Variants in PCDHGA2 observed in about 807,000 individuals in gnomAD.
PCDHGA2 encodes protocadherin gamma subfamily A, 2.
In PCDHGA2, 40 loss-of-function variants were observed where a neutral mutation model predicts 59.2. The ratio of observed to expected loss-of-function variants is 0.68; its 90% CI spans 0.52 to 0.88. The LOEUF is 0.88. Among genes scored for constraint, PCDHGA2 ranks in the 40% least tolerant of loss-of-function variants. The pLI is 0.00. For synonymous variants in PCDHGA2, 560 were observed against 526.0 expected, an observed-to-expected ratio of 1.06 and a Z score of -0.89; for missense variants, 1,226 against 1,204.0, an observed-to-expected ratio of 1.02 and a Z score of -0.27.
chr5:141,376,152 C>T, intron 1 of PCDHGA2: 2 of 1,614,026 alleles, frequency 1.2e-6, no homozygotes, highest in Non-Finnish European at 1.7e-6. Context: ...TCGGACCTCA[C>T]TCTGTACCTG....
At chr5:141,408,885 T>G in intron 1 of PCDHGA2, 1 of 1,613,020 alleles carries the variant, frequency 6.2e-7, no homozygotes, top group Middle Eastern at 1.6e-4. Context: ...ACCGCTCACA[T>G]AGAAATTTCT....
At position 141,485,293 on chromosome 5, in the gene PCDHGA2, G is replaced by A. The variant is rs1356836741; in HGVS notation, c.2425-9514G>A. On this transcript the variant is annotated intron_variant, in intron 1 of 3. Transcript: ENST00000394576. The surrounding 1 kb of genome is among the most constrained non-coding windows in gnomAD (Gnocchi z 5.7). ...GCTACCCGGTCCCAGAGGAGTCACA[G>A]GAAGGGACTTTTGTAGGGAATGTCG... 1 of 1,614,170 alleles carries A rather than the reference G, an allele frequency of 6.2e-7. No individual in the cohort carries two copies.
Position 141,340,906 on chromosome 5 carries a change from C to G in PCDHGA2, c.1935C>G (p.Ala645=). The change falls in exon 1 of 4, where the codon GCC becomes GCG. Residue 645 remains alanine, a synonymous_variant. Transcript: ENST00000394576. ...CGCTCAAGCAGAGCCTCGTGGTGGC[C>G]ATCCAGGACCACGGCCAGCCCCCTC... The part of the protein sequence containing the change: ...RDALKQSLVV[A]IQDHGQPPLS... The G allele has an allele frequency of 2.5e-6, 4 of 1,613,782 alleles. No homozygotes were observed. The highest frequency in any genetic ancestry group is 3.4e-6 in the Non-Finnish European group (4 of 1,179,930).
intron 1 of PCDHGA2, chr5:141,343,976 G>T: frequency 7.2e-7 from 1 of 1,391,600 alleles, no homozygotes; most frequent in Non-Finnish European, 9.7e-7. Context: ...AAATAAGATT[G>T]GAGTCCGTCG....
chr5:141,409,258 C>G (rs2095247947), intron 1 of PCDHGA2: 2 of 1,613,918 alleles, frequency 1.2e-6, no homozygotes, highest in Non-Finnish European at 8.5e-7. Flanking sequence ...TCACTTCTCT[C>G]TCTGATCAGA....
intron 1 of PCDHGA2, among the ~76,000 whole-genome samples, chr5:141,357,988 G>A (rs182499898): frequency 1.8e-4 from 27 of 152,224 alleles, no homozygotes; most frequent in African/African-American, 5.5e-4. Context: ...TCAGGAGTTC[G>A]AGACCAGTCT....
rs951964805 is a variant in PCDHGA2, at chr5:141,512,109, C to A, written c.*936C>A. The A allele has an allele frequency of 1.0e-4, 16 of 152,656 alleles. No individual in the cohort carries two copies. The highest frequency in any genetic ancestry group is 1.5e-5 in the Non-Finnish European group (1 of 68,058). 9.5% of individuals were successfully genotyped at this position (152,656 alleles called of 1,614,324 possible). Reference sequence around the variant, plus strand: ...ACCAATAACTAGGCTGGACCCTTCCCACTACATAATAGGGCTCAGCCCAGG... The same window carrying A: ...ACCAATAACTAGGCTGGACCCTTCCAACTACATAATAGGGCTCAGCCCAGG... On this transcript the variant is annotated 3_prime_UTR_variant, in exon 4 of 4. Coordinates refer to ENST00000394576, the MANE Select transcript of PCDHGA2 (RefSeq NM_018915.4).
At position 141,486,114 on chromosome 5, in the gene PCDHGA2, A is replaced by G; in HGVS notation, c.2425-8693A>G. On this transcript the variant is annotated intron_variant, in intron 1 of 3. Coordinates refer to ENST00000394576, the MANE Select transcript of PCDHGA2 (RefSeq NM_018915.4). This position sits in a 1 kb window ranked among gnomAD's most constrained non-coding sequence, Gnocchi z 5.0. ...GGGCCCCTAGACTTTGAGAGTGAGAATTACTATGAATTTGATGTGCGGGCT... is the reference window on the plus strand; with the variant it reads ...GGGCCCCTAGACTTTGAGAGTGAGAGTTACTATGAATTTGATGTGCGGGCT... 3 of 1,614,082 alleles carry G rather than the reference A, an allele frequency of 1.9e-6. No individual in the cohort carries two copies. Among genetic ancestry groups the G allele is most frequent in the South Asian group, 2.2e-5 (2 of 91,072 alleles).
At chr5:141,372,826 C>G in intron 1 of PCDHGA2, 1 of 1,554,742 alleles carries the variant, frequency 6.4e-7, no homozygotes, top group Middle Eastern at 1.7e-4. Flanking sequence ...TTCTTCAAAC[C>G]TTTCCTTCCA....
chr5:141,362,638 T>C, intron 1 of PCDHGA2: 5 of 1,469,888 alleles, frequency 3.4e-6, no homozygotes, highest in Non-Finnish European at 4.5e-6. Context: ...CGTATTTCTT[T>C]GTCTGTGAGT....
chr5:141,393,630 A>T (rs1298038670), intron 1 of PCDHGA2: 7 of 1,613,976 alleles, frequency 4.3e-6, no homozygotes, highest in Non-Finnish European at 5.9e-6. Flanking sequence ...GGATGAGGGA[A>T]TCAACGGAAA....
At chr5:141,469,770 A>G (rs1003620088) in intron 1 of PCDHGA2, among the ~76,000 whole-genome samples, 4 of 152,234 alleles carry the variant, frequency 2.6e-5, no homozygotes, top group Non-Finnish European at 5.9e-5. Flanking sequence ...ATACCAGCTT[A>G]TTTATTACAG....
At chr5:141,445,963 A>G (rs2098483291) in intron 1 of PCDHGA2, among the ~76,000 whole-genome samples, 2 of 152,342 alleles carry the variant, frequency 1.3e-5, no homozygotes, top group South Asian at 2.1e-4. Flanking sequence ...TATATGGAGA[A>G]TTGATTTATG....
At chr5:141,371,563 T>TC in intron 1 of PCDHGA2, 1 of 1,613,806 alleles carries the variant, frequency 6.2e-7, no homozygotes, top group Non-Finnish European at 8.5e-7. Context: ...AAAGGAAACT[T>TC]CCCCTTTAAA....
chr5:141,436,817 TA>T (rs1431750380), intron 1 of PCDHGA2, among the ~76,000 whole-genome samples: 1 of 152,244 alleles, frequency 6.6e-6, no homozygotes, highest in Non-Finnish European at 1.5e-5. Context: ...ACAGCTGGTT[TA>T]AAAATCTTAA....
chr5:141,361,602 C>G (rs571629532), intron 1 of PCDHGA2: 1 of 1,613,936 alleles, frequency 6.2e-7, no homozygotes, highest in Non-Finnish European at 8.5e-7. Flanking sequence ...AAGTTTCCTA[C>G]TCCATCGTAG....
chr5:141,383,562 C>T (rs1371686723), intron 1 of PCDHGA2: 2 of 1,613,098 alleles, frequency 1.2e-6, no homozygotes, highest in Non-Finnish European at 1.7e-6. Context: ...GCGACCCGCC[C>T]CGATCCAGCA....
chr5:141,423,864 G>A (rs180692491), intron 1 of PCDHGA2: 551 of 1,284,224 alleles, frequency 4.3e-4, no homozygotes, highest in Non-Finnish European at 5.0e-4. Context: ...TTTTGTGAAA[G>A]TCATTTTTCA....
In PCDHGA2 at chr5:141,487,365, G is replaced by A. The variant is rs1466536791; in HGVS notation, c.2425-7442G>A. On this transcript the variant is annotated intron_variant, in intron 1 of 3. Coordinates refer to ENST00000394576, the MANE Select transcript of PCDHGA2 (RefSeq NM_018915.4). This position sits in a 1 kb window ranked among gnomAD's most constrained non-coding sequence, Gnocchi z 5.0. ...GTCACATGCTTTCCTGCTGGCACCT[G>A]TGCCTGTCTCACCAGATCTCGAAGG... The A allele has an allele frequency of 1.2e-6, 2 of 1,614,068 alleles. No homozygotes were observed. Among genetic ancestry groups the A allele is most frequent in the South Asian group, 1.1e-5 (1 of 91,088 alleles).
Sources: allele counts gnomAD v4.1 joint callset (sites outside exome capture counted in the v4.1 genomes callset), GRCh38; gene constraint gnomAD v4.1.1; non-coding constraint Gnocchi (gnomAD v3.1); transcripts MANE v1.5; gene names NCBI Gene and HGNC (gene_info 2026-07-23, HGNC 2026-07-21).